Variants in IPMK observed in about 807,000 individuals in gnomAD.
The protein encoded by IPMK is inositol 1,3,4,6-tetrakisphosphate 5-kinase.
IPMK carries 17 observed loss-of-function variants against 45.8 expected under a neutral mutation model. That is an observed-to-expected ratio of 0.37 (90% CI 0.25 to 0.56). The LOEUF (loss-of-function observed/expected upper bound fraction) is 0.56, where lower values mean the gene tolerates loss of function less well. Among genes scored for constraint, IPMK ranks in the 20% least tolerant of loss-of-function variants. The probability of loss-of-function intolerance (pLI) is 0.79; values close to 1 mark genes in which losing one functional copy is unlikely to be tolerated. For synonymous variants in IPMK, 180 were observed against 184.3 expected (o/e 0.98, Z 0.19); for missense variants, 399 against 498.0 (o/e 0.80, Z 1.89).
chr10:58,213,413 G>A (rs1315325881), intron 4 of IPMK, among the ~76,000 whole-genome samples: 4 of 152,184 alleles, frequency 2.6e-5, no homozygotes, highest in South Asian at 2.1e-4. Flanking sequence ...GGCTGGGCGC[G>A]GTGGCTCACG....
chr10:58,252,499 T>G (rs907038054), intron 1 of IPMK, among the ~76,000 whole-genome samples: 1 of 151,890 alleles, frequency 6.6e-6, no homozygotes, highest in Non-Finnish European at 1.5e-5. Context: ...GTTTGTTCTG[T>G]AGGTAAATTA....
At position 58,195,913 on chromosome 10, in the gene IPMK, C is replaced by T. The variant is rs1452151556; in HGVS notation, c.*163G>A. ...TCTAATGAACAAATAGTTAGTTTTC[C>T]TGAGTAAGATTATAAAAAAGTTAAC... On this transcript the variant is annotated 3_prime_UTR_variant, in exon 6 of 6. Coordinates refer to ENST00000373935, the MANE Select transcript of IPMK (RefSeq NM_152230.5). 21 of 647,182 alleles carry T rather than the reference C, an allele frequency of 3.2e-5. No homozygotes were observed. The highest frequency in any genetic ancestry group is 5.2e-5 in the Non-Finnish European group (20 of 387,482). 40.1% of individuals were successfully genotyped at this position (647,182 alleles called of 1,614,324 possible).
At chr10:58,241,601 A>G (rs1384488906) in intron 1 of IPMK, among the ~76,000 whole-genome samples, 2 of 152,122 alleles carry the variant, frequency 1.3e-5, no homozygotes, top group Non-Finnish European at 2.9e-5. Context: ...TTATTTTTCC[A>G]TATTTCTGAA....
chr10:58,241,138 G>A (rs184868231), intron 1 of IPMK, among the ~76,000 whole-genome samples: 2 of 152,216 alleles, frequency 1.3e-5, no homozygotes, highest in East Asian at 3.9e-4. Context: ...TACTGCTGGG[G>A]GTGGGAAGGA....
rs1838235180 is a variant in IPMK at position 58,215,732 on chromosome 10, TTC to T, written c.546+411_546+412del. ...GCCACACAATTACCACATTTTAAAT[TTC>T]TTTTATATTTTGAAAATGCAGAAAA... On this transcript the variant is annotated intron_variant, in intron 4 of 5. Coordinates refer to ENST00000373935, the MANE Select transcript of IPMK (RefSeq NM_152230.5). Among the ~76,000 whole-genome samples, 3 of 152,156 alleles carry T rather than the reference TTC, an allele frequency of 2.0e-5. No individual in the cohort carries two copies. The South Asian group carries it at 6.2e-4, about 31-fold the overall frequency.
chr10:58,199,063 G>C (rs974142120), intron 5 of IPMK, among the ~76,000 whole-genome samples, 177 bp downstream of exon 5: 9 of 151,808 alleles, frequency 5.9e-5, no homozygotes, highest in Non-Finnish European at 1.2e-4. Context: ...CCATGCTCTT[G>C]ATATATTATG....
intron 4 of IPMK, among the ~76,000 whole-genome samples, chr10:58,211,901 C>CAAAAAAAAAAAAAAAAAAAAAAA (rs753050298): frequency 6.4e-4 from 32 of 50,368 alleles, no homozygotes; most frequent in Admixed American, 9.5e-4. Flanking sequence ...GACATCTCAC[C>CAAAAAAAAAAAAAAAAAAAAAAA]AAAAAAAAAA....
chr10:58,196,834 TAAG>T (rs1837902816), intron 5 of IPMK, 136 bp from the exon 6 acceptor site: 2 of 654,682 alleles, frequency 3.1e-6, no homozygotes, highest in African/African-American at 3.7e-5. Flanking sequence ...CCTAGAATTC[TAAG>T]AATTCTAGTC....
At chr10:58,250,517 T>A (rs536278421) in intron 1 of IPMK, among the ~76,000 whole-genome samples, 19 of 152,208 alleles carry the variant, frequency 1.2e-4, no homozygotes, top group Admixed American at 3.3e-4. Flanking sequence ...GATTTTTGTA[T>A]GTTGACTTTG....
At chr10:58,224,978 A>T (rs1838391037) in intron 3 of IPMK, among the ~76,000 whole-genome samples, 1 of 152,196 alleles carries the variant, frequency 6.6e-6, no homozygotes, top group South Asian at 2.1e-4. Context: ...ATCAAAAGAA[A>T]ACAATCTGCA....
At chr10:58,217,766 C>A (rs1223999879) in intron 3 of IPMK, among the ~76,000 whole-genome samples, 5 of 140,146 alleles carry the variant, frequency 3.6e-5, no homozygotes, top group Non-Finnish European at 6.1e-5. Context: ...AGGAATGTAA[C>A]AAGAAGTATT....
intron 3 of IPMK, among the ~76,000 whole-genome samples, chr10:58,221,401 T>G (rs1318375824): frequency 6.6e-6 from 1 of 151,866 alleles, no homozygotes; most frequent in Admixed American, 6.6e-5. Flanking sequence ...AAGCTACAGA[T>G]TAGTCAAGGT....
chr10:58,252,160 T>C (rs1838889668), intron 1 of IPMK, among the ~76,000 whole-genome samples: 1 of 152,256 alleles, frequency 6.6e-6, no homozygotes, highest in African/African-American at 2.4e-5. Flanking sequence ...TTTTGGTTTG[T>C]GGTTACCACG....
chr10:58,244,241 T>C (rs1206378541), intron 1 of IPMK, among the ~76,000 whole-genome samples: 7 of 125,412 alleles, frequency 5.6e-5, no homozygotes, highest in Non-Finnish European at 1.0e-4. Flanking sequence ...TATGCCCGGC[T>C]GCCCTTGGTC....
At position 58,195,367 on chromosome 10, in the gene IPMK, C is replaced by G. The variant is rs901157552; in HGVS notation, c.*709G>C. 4 of 152,024 alleles carry G rather than the reference C, an allele frequency of 2.6e-5. No homozygotes were observed. The highest frequency in any genetic ancestry group is 9.7e-5 in the African/African-American group (4 of 41,432). 9.4% of individuals were successfully genotyped at this position (152,024 alleles called of 1,614,324 possible). ...ATTTTGTTCCTTGAAAATAATATCTCTCTTCCCCTAACCCCAGTAAGGACA... is the reference window on the plus strand; with the variant it reads ...ATTTTGTTCCTTGAAAATAATATCTGTCTTCCCCTAACCCCAGTAAGGACA... On this transcript the variant is annotated 3_prime_UTR_variant, in exon 6 of 6. Transcript: ENST00000373935.
At chr10:58,236,078 G>A (rs376714129) in intron 2 of IPMK, among the ~76,000 whole-genome samples, 9 of 150,276 alleles carry the variant, frequency 6.0e-5, no homozygotes, top group African/African-American at 2.2e-4. Context: ...ACAGATACGT[G>A]CCACCCACAG....
chr10:58,238,650 TTC>T (rs1228817580), intron 1 of IPMK, among the ~76,000 whole-genome samples: 1 of 152,218 alleles, frequency 6.6e-6, no homozygotes, highest in African/African-American at 2.4e-5. Context: ...AGGAATTTTT[TTC>T]TTTCTATCAG....
At chr10:58,265,589 T>C (rs1270513206) in intron 1 of IPMK, among the ~76,000 whole-genome samples, 4 of 152,214 alleles carry the variant, frequency 2.6e-5, no homozygotes, top group Non-Finnish European at 4.4e-5. Flanking sequence ...AAATATTAGG[T>C]TGCTAGCACA....
chr10:58,214,191 A>G (rs1446901267), intron 4 of IPMK, among the ~76,000 whole-genome samples: 2 of 152,214 alleles, frequency 1.3e-5, no homozygotes, highest in Admixed American at 1.3e-4. Flanking sequence ...TCTTGAAGAG[A>G]TAAGAAGGAA....
Sources: allele counts gnomAD v4.1 joint callset (sites outside exome capture counted in the v4.1 genomes callset), GRCh38; gene constraint gnomAD v4.1.1; transcripts MANE v1.5; gene names NCBI Gene and HGNC (gene_info 2026-07-23, HGNC 2026-07-21).